The following KAZN variants were observed in gnomAD, a reference collection of about 807,000 sequenced individuals.
KAZN encodes kazrin, periplakin interacting protein.
In KAZN, 40 loss-of-function variants were observed where a neutral mutation model predicts 87.4. The observed-to-expected ratio is 0.46, with a 90% CI of 0.36 to 0.60. The LOEUF (loss-of-function observed/expected upper bound fraction) is 0.60. Among genes scored for constraint, KAZN ranks in the 20% least tolerant of loss-of-function variants. KAZN has a pLI of 0.00. For synonymous variants in KAZN, 466 were observed against 458.3 expected (o/e 1.02, Z -0.22); for missense variants, 898 against 1,073.9 (o/e 0.84, Z 2.29).
At chr1:13,995,483 CAA>C (rs1199686306) in intron 1 of KAZN, among the ~76,000 whole-genome samples, 1 of 152,148 alleles carries the variant, frequency 6.6e-6, no homozygotes, top group African/African-American at 2.4e-5. Flanking sequence ...ACAGATCTAA[CAA>C]GAGTTTTTTT....
intron 1 of KAZN, among the ~76,000 whole-genome samples, chr1:14,664,735 G>A (rs1230339011): frequency 1.3e-5 from 2 of 148,188 alleles, no homozygotes; most frequent in Admixed American, 1.4e-4. Flanking sequence ...CTCACTGCAA[G>A]CTCCGCCTCC....
intron 2 of KAZN, among the ~76,000 whole-genome samples, chr1:14,255,464 C>T (rs748704448): frequency 7.9e-5 from 12 of 152,138 alleles, no homozygotes; most frequent in Admixed American, 2.0e-4. Flanking sequence ...CCCAGCAAGA[C>T]GGAGGCTCAC....
At chr1:13,970,289 G>C (rs1642091721) in intron 1 of KAZN, among the ~76,000 whole-genome samples, 1 of 152,234 alleles carries the variant, frequency 6.6e-6, no homozygotes, top group South Asian at 2.1e-4. Context: ...GACAAGGACT[G>C]ATAATAGCTC....
At chr1:14,519,709 G>A (rs1163161209) in intron 2 of KAZN, among the ~76,000 whole-genome samples, 2 of 152,202 alleles carry the variant, frequency 1.3e-5, no homozygotes, top group Non-Finnish European at 2.9e-5. Context: ...GGATGCCAGA[G>A]CACCCTGGAC....
intron 2 of KAZN, among the ~76,000 whole-genome samples, chr1:14,500,671 C>T (rs1280347931): frequency 1.3e-5 from 2 of 151,778 alleles, no homozygotes; most frequent in Non-Finnish European, 2.9e-5. Flanking sequence ...TGGGTTCTTT[C>T]AAAAGATCAA....
At chr1:14,710,928 A>C (rs1300143336) in intron 1 of KAZN, among the ~76,000 whole-genome samples, 2 of 152,214 alleles carry the variant, frequency 1.3e-5, no homozygotes, top group Non-Finnish European at 2.9e-5. Flanking sequence ...TCACATCTGT[A>C]ATCCCAGCAC....
chr1:14,981,605 C>T (rs1158550339), intron 2 of KAZN, among the ~76,000 whole-genome samples: 2 of 152,238 alleles, frequency 1.3e-5, no homozygotes, highest in African/African-American at 2.4e-5. Flanking sequence ...AGAGATGCCT[C>T]CTCCTCCAGG....
intron 1 of KAZN, among the ~76,000 whole-genome samples, chr1:13,992,512 G>C (rs907340749): frequency 6.6e-6 from 1 of 152,146 alleles, no homozygotes; most frequent in African/African-American, 2.4e-5. Flanking sequence ...GTGGCTCGAA[G>C]GAGTACCTTC....
intron 2 of KAZN, among the ~76,000 whole-genome samples, chr1:14,479,519 C>T (rs1447436604): frequency 6.6e-6 from 1 of 152,172 alleles, no homozygotes; most frequent in Non-Finnish European, 1.5e-5. Flanking sequence ...CATTTTCTTC[C>T]ACCTCCACCA....
At chr1:14,496,636 A>G (rs1669957545) in intron 2 of KAZN, among the ~76,000 whole-genome samples, 1 of 152,196 alleles carries the variant, frequency 6.6e-6, no homozygotes, top group South Asian at 2.1e-4. Context: ...AGAAAATAGA[A>G]GCCTAATTTT....
intron 1 of KAZN, among the ~76,000 whole-genome samples, chr1:13,948,020 C>T (rs552733798): frequency 6.6e-6 from 1 of 152,290 alleles, no homozygotes; most frequent in East Asian, 1.9e-4. Flanking sequence ...ATACCAAGGG[C>T]CCACTCAGAT....
intron 2 of KAZN, among the ~76,000 whole-genome samples, chr1:14,963,859 C>T (rs985036961): frequency 1.3e-5 from 2 of 152,112 alleles, no homozygotes; most frequent in Middle Eastern, 3.2e-3. Context: ...TTGACTCCCA[C>T]TTATGAGTGA....
rs10927591 is a variant in KAZN, at chr1:14,950,121, G to A, written c.227-10563G>A. Among the ~76,000 whole-genome samples, 600 of 152,200 alleles carry A rather than the reference G, an allele frequency of 3.9e-3. 10 individuals are homozygous for A. Among genetic ancestry groups the A allele is most frequent in the African/African-American group, 0.014 (569 of 41,492 alleles). ...AGTAAGAATTACCAAGCGGCTCTCC[G>A]GGCTGGGGAGCGCCGTGGAAGAAAC... On this transcript the variant is annotated intron_variant, in intron 1 of 14. Coordinates refer to ENST00000376030, the MANE Select transcript of KAZN (RefSeq NM_201628.3).
intron 2 of KAZN, among the ~76,000 whole-genome samples, chr1:14,189,606 C>T (rs1284139123): frequency 6.6e-6 from 1 of 152,152 alleles, no homozygotes; most frequent in Non-Finnish European, 1.5e-5. Flanking sequence ...CCTCTCTCAC[C>T]CTCCTTAGCA....
chr1:15,044,148 G>A lies in KAZN; in HGVS notation c.715G>A (p.Glu239Lys), dbSNP rs770399195. ...CAACCGGATGAAGGAGCTGGAGGCC[G>A]AGCTGGCCATGGTGAGAACCCTCCC... ...KDNRMKELEAELAMAKQSLAT... is the reference protein window; with the variant it reads ...KDNRMKELEAKLAMAKQSLAT... Residue 239 changes from glutamate (E) to lysine (K), a missense_variant, in exon 4 of 15, where the codon GAG becomes AAG. Coordinates refer to ENST00000376030, the MANE Select transcript of KAZN (RefSeq NM_201628.3). 1 of 1,606,872 alleles carries A rather than the reference G, an allele frequency of 6.2e-7. No homozygotes were observed. Among genetic ancestry groups the A allele is most frequent in the Non-Finnish European group, 8.5e-7 (1 of 1,176,540 alleles).
rs1036718469 is a variant in KAZN at position 14,825,655 on chromosome 1, G to T, written c.227-135029G>T. Among the ~76,000 whole-genome samples, 9 of 152,124 alleles carry T rather than the reference G, an allele frequency of 5.9e-5. No homozygotes were observed. In the East Asian group the frequency reaches 1.7e-3, roughly 29 times the overall value. ...GGACACATATCTAGTAAGGGACCAC[G>T]TTGGGATTGGAACCCAGGCCTTCCA... On this transcript the variant is annotated intron_variant, in intron 1 of 14. Transcript: ENST00000376030.
At chr1:14,562,378 A>G (rs1048513739) in intron 2 of KAZN, among the ~76,000 whole-genome samples, 10 of 152,200 alleles carry the variant, frequency 6.6e-5, no homozygotes, top group African/African-American at 2.4e-4. Flanking sequence ...AGTTGTAGAC[A>G]TTTTGTAGCT....
Position 14,856,193 on chromosome 1 carries a change from C to T in KAZN, c.227-104491C>T, listed in dbSNP as rs1168230337. Among the ~76,000 whole-genome samples, 1 of 152,026 alleles carries T rather than the reference C, an allele frequency of 6.6e-6. No homozygotes were observed. Among genetic ancestry groups the T allele is most frequent in the African/African-American group, 2.4e-5 (1 of 41,382 alleles). ...CTGCAGCTCTTGGGAGGATAATGGGCATAGAAATTGGGGAGGGGATGAAAA... is the reference window on the plus strand; with the variant it reads ...CTGCAGCTCTTGGGAGGATAATGGGTATAGAAATTGGGGAGGGGATGAAAA... On this transcript the variant is annotated intron_variant, in intron 1 of 14. Coordinates refer to ENST00000376030, the MANE Select transcript of KAZN (RefSeq NM_201628.3). The surrounding 1 kb of genome is among the most constrained non-coding windows in gnomAD (Gnocchi z 5.2).
rs559178925 is a variant in KAZN at position 14,502,351 on chromosome 1, T to C, written c.250-96632T>C. The stretch of plus-strand genomic sequence containing the variant: ...CACATATCAACTGAATTGTGCTTTG[T>C]GCTAGACCTGAAGGCAATAGTTTTG... On this transcript the variant is annotated intron_variant, in intron 2 of 16. Transcript: ENST00000636203. 3.9e-5 allele frequency among the ~76,000 whole-genome samples: 6 copies of C among 152,348 alleles called. 1 individual carries two copies. The East Asian group carries it at 1.2e-3, about 29-fold the overall frequency.
Sources: gnomAD v4.1 joint callset for allele counts (sites outside exome capture counted in the v4.1 genomes callset) on GRCh38, gnomAD v4.1.1 for gene constraint, Gnocchi (gnomAD v3.1) non-coding constraint, MANE v1.5 for transcripts, NCBI Gene and HGNC (gene_info 2026-07-23, HGNC 2026-07-21) for gene names.